AGTPBP1: variants seen among roughly 807,000 people sequenced by gnomAD.
AGTPBP1 encodes the protein ATP/GTP binding carboxypeptidase 1.
AGTPBP1 carries 70 observed loss-of-function variants against 143.9 expected under a neutral mutation model. That is an observed-to-expected ratio of 0.49 (90% CI 0.40 to 0.59). The LOEUF (loss-of-function observed/expected upper bound fraction) is 0.59, where lower values mean the gene tolerates loss of function less well. Among genes scored for constraint, AGTPBP1 ranks in the 20% least tolerant of loss-of-function variants. The pLI is 0.00. For synonymous variants in AGTPBP1, 463 were observed against 500.2 expected, an observed-to-expected ratio of 0.93 and a Z score of 0.99; for missense variants, 1,229 against 1,464.5, an observed-to-expected ratio of 0.84 and a Z score of 2.62.
At chr9:85,745,461 A>C (rs886233351), upstream of AGTPBP1, among the ~76,000 whole-genome samples, 1 of 152,240 alleles carries the variant, frequency 6.6e-6, no homozygotes, top group African/African-American at 2.4e-5. Flanking sequence ...AGCAAATGAT[A>C]ATGCTCAACA....
chr9:85,805,157 T>A, the AGTPBP1 span, among the ~76,000 whole-genome samples: 2 of 152,056 alleles, frequency 1.3e-5, no homozygotes, highest in Non-Finnish European at 2.9e-5. Context: ...GTGGTTCTGG[T>A]CCTCTCCCCC....
intron 25 of AGTPBP1, among the ~76,000 whole-genome samples, chr9:85,573,713 G>A (rs540603503): frequency 7.9e-5 from 12 of 151,622 alleles, no homozygotes; most frequent in African/African-American, 2.9e-4. Context: ...GTCTCTGCCC[G>A]GCCGCCCATC....
At chr9:85,698,850 G>A (rs906604093) in intron 2 of AGTPBP1, among the ~76,000 whole-genome samples, 1 of 151,446 alleles carries the variant, frequency 6.6e-6, no homozygotes, top group Non-Finnish European at 1.5e-5. Context: ...CTGCAACCAC[G>A]CCCAGCTCAT....
the AGTPBP1 span, among the ~76,000 whole-genome samples, chr9:85,777,470 G>A: frequency 6.6e-6 from 1 of 152,216 alleles, no homozygotes; most frequent in East Asian, 1.9e-4. Context: ...TTGGTGAGTG[G>A]AAGTCCATGT....
chr9:85,673,013 G>A (rs1223767358), intron 6 of AGTPBP1, among the ~76,000 whole-genome samples: 2 of 152,084 alleles, frequency 1.3e-5, no homozygotes, highest in African/African-American at 2.4e-5. Context: ...GAGATTACAC[G>A]TGTGAGTCAC....
At chr9:85,757,417 A>G in the AGTPBP1 span, among the ~76,000 whole-genome samples, 3 of 152,020 alleles carry the variant, frequency 2.0e-5, no homozygotes, top group African/African-American at 7.3e-5. Context: ...ATTATATCTC[A>G]TTAAAGCTAT....
chr9:85,753,539 C>T, the AGTPBP1 span: 34 of 1,333,316 alleles, frequency 2.6e-5, no homozygotes, highest in South Asian at 1.1e-4. Flanking sequence ...GGATCACCTG[C>T]GGTCAGGAGT....
intron 1 of AGTPBP1, among the ~76,000 whole-genome samples, chr9:85,715,683 A>G (rs1837658564): frequency 6.6e-6 from 1 of 152,210 alleles, no homozygotes; most frequent in East Asian, 1.9e-4. Flanking sequence ...TATCCCTTAC[A>G]GTTCACTTTT....
intron 2 of AGTPBP1, among the ~76,000 whole-genome samples, chr9:85,709,689 T>C (rs1379062868): frequency 6.6e-6 from 1 of 152,148 alleles, no homozygotes; most frequent in African/African-American, 2.4e-5. Context: ...GGTAGAACTC[T>C]TAGAGAACAG....
At chr9:85,547,807 G>A (rs1460929527) in intron 25 of AGTPBP1, among the ~76,000 whole-genome samples, 1 of 152,078 alleles carries the variant, frequency 6.6e-6, no homozygotes, top group African/African-American at 2.4e-5. Flanking sequence ...GAATAAAACT[G>A]AAAAACAAGT....
At position 85,621,261 on chromosome 9, in the gene AGTPBP1, T is replaced by G. The variant is rs1830916546; in HGVS notation, c.2040A>C (p.Glu680Asp). 1 of 1,447,872 alleles carries G rather than the reference T, an allele frequency of 6.9e-7. No homozygotes were observed. Among genetic ancestry groups the G allele is most frequent in the Non-Finnish European group, 9.1e-7 (1 of 1,102,950 alleles). 89.7% of individuals were successfully genotyped at this position (1,447,872 alleles called of 1,614,324 possible). The change falls in exon 15 of 26, where the codon GAA (glutamate) becomes GAC (aspartate). Residue 680 changes from glutamate to aspartate, a missense_variant. Coordinates refer to ENST00000357081, the MANE Select transcript of AGTPBP1 (RefSeq NM_001330701.2). Reference sequence around the variant, plus strand: ...TGATATCACTCTGATGTATTAGCCTTTCAATATCTTGAGCAATTTTTGTCC... The same window carrying G: ...TGATATCACTCTGATGTATTAGCCTGTCAATATCTTGAGCAATTTTTGTCC... ...VQRTKIAQDIERLIHQSDIID... is the reference protein window; with the variant it reads ...VQRTKIAQDIDRLIHQSDIID...
chr9:85,731,464 G>A (rs2134739133), intron 1 of AGTPBP1, among the ~76,000 whole-genome samples: 1 of 151,828 alleles, frequency 6.6e-6, no homozygotes, highest in East Asian at 1.9e-4. Flanking sequence ...GTGTGTGTTT[G>A]TTTGTTTGTT....
intron 24 of AGTPBP1, among the ~76,000 whole-genome samples, chr9:85,577,475 CAG>C (rs757206226): frequency 7.2e-5 from 11 of 152,168 alleles, no homozygotes; most frequent in Non-Finnish European, 1.5e-4. Flanking sequence ...TGATCGGGGA[CAG>C]GGGCTGGAAG....
intron 14 of AGTPBP1, among the ~76,000 whole-genome samples, chr9:85,625,771 GC>G (rs1564076549): frequency 6.6e-6 from 1 of 151,602 alleles, no homozygotes; most frequent in Non-Finnish European, 1.5e-5. Context: ...TGTAATCCCA[GC>G]TACTTGGGAG....
the AGTPBP1 span, among the ~76,000 whole-genome samples, chr9:85,768,467 A>T: frequency 6.6e-6 from 1 of 151,894 alleles, no homozygotes; most frequent in African/African-American, 2.4e-5. Flanking sequence ...AAAGTTAATA[A>T]GAAAAAAAAT....
At chr9:85,573,202 T>A (rs1564021044) in intron 25 of AGTPBP1, among the ~76,000 whole-genome samples, 1 of 146,940 alleles carries the variant, frequency 6.8e-6, no homozygotes, top group Non-Finnish European at 1.5e-5. Context: ...GCAACCTCCC[T>A]GCCTGACTCT....
At chr9:85,755,435 T>C in the AGTPBP1 span, among the ~76,000 whole-genome samples, 2 of 152,186 alleles carry the variant, frequency 1.3e-5, no homozygotes, top group African/African-American at 4.8e-5. Flanking sequence ...AATTTTTTAT[T>C]TTTGTTTTTT....
At chr9:85,664,373 G>A (rs1053062370) in intron 8 of AGTPBP1, among the ~76,000 whole-genome samples, 1 of 152,094 alleles carries the variant, frequency 6.6e-6, no homozygotes, top group Admixed American at 6.6e-5. Context: ...TTTTACAACC[G>A]TGTTGGTGTT....
intron 21 of AGTPBP1, 143 bp downstream of exon 21, chr9:85,588,155 A>G: frequency 3.1e-6 from 2 of 644,230 alleles, no homozygotes; most frequent in Non-Finnish European, 4.8e-6. Context: ...TTCATTTAAA[A>G]GTTTATCTTA....
Sources: allele counts gnomAD v4.1 joint callset (sites outside exome capture counted in the v4.1 genomes callset), GRCh38; gene constraint gnomAD v4.1.1; transcripts MANE v1.5; gene names NCBI Gene and HGNC (gene_info 2026-07-23, HGNC 2026-07-21).